DNAH7: variants seen among roughly 807,000 people sequenced by gnomAD.
DNAH7 encodes the protein dynein axonemal heavy chain 7.
In DNAH7, 397 loss-of-function variants were observed where a neutral mutation model predicts 444.6. The ratio of observed to expected loss-of-function variants is 0.89; its 90% confidence interval spans 0.82 to 0.97. The LOEUF (loss-of-function observed/expected upper bound fraction) is 0.97. DNAH7 is among the 50% of genes least tolerant of loss of function. The pLI is 0.00. For missense variants in DNAH7, 4,902 were observed against 4,800.8 expected (o/e 1.02, Z -0.62); for synonymous variants, 1,636 against 1,624.4 (o/e 1.01, Z -0.17).
At chr2:195,981,515 G>A (rs1692572321) in intron 15 of DNAH7, among the ~76,000 whole-genome samples, 2 of 151,822 alleles carry the variant, frequency 1.3e-5, no homozygotes, top group South Asian at 4.2e-4. Context: ...AAGCTATCCG[G>A]AGCAAAAAGA....
chr2:196,000,565 G>GT (rs1437078060), intron 12 of DNAH7, 139 bp downstream of exon 12: 3 of 743,762 alleles, frequency 4.0e-6, no homozygotes, highest in Non-Finnish European at 6.0e-6. Flanking sequence ...GAAAATGGTA[G>GT]TTTTTTAGGA....
rs1692601053 is a variant in DNAH7 at position 195,981,915 on chromosome 2, TTGAG to T, written c.1833+2713_1833+2716del. Among the ~76,000 whole-genome samples the T allele has an allele frequency of 2.6e-5, 4 of 152,310 alleles. No individual in the cohort carries two copies. The South Asian group carries it at 8.3e-4, about 32-fold the overall frequency. The stretch of plus-strand genomic sequence containing the variant: ...GGAACTTGGACTGGTCAAATATTTC[TTGAG>T]TAACACACCACGAGTACAGGCAAAC... On this transcript the variant is annotated intron_variant, in intron 15 of 64. Transcript: ENST00000312428.
intron 24 of DNAH7, among the ~76,000 whole-genome samples, chr2:195,911,871 T>TA (rs1687379084): frequency 6.6e-6 from 1 of 152,106 alleles, no homozygotes; most frequent in African/African-American, 2.4e-5. Context: ...GGAAGAAAAT[T>TA]AAACCAAAAG....
chr2:195,892,819 A>G (rs146072244), intron 30 of DNAH7: 164 of 150,232 alleles, frequency 1.1e-3, no homozygotes, highest in African/African-American at 4.0e-3. Context: ...GCAATCATTT[A>G]TTTTTTATAT....
Position 195,799,326 on chromosome 2 carries a change from C to CATGG in DNAH7, c.10319_10322dup (p.Met3441IlefsTer10). 6.3e-7 allele frequency: 1 copy of CATGG among 1,594,990 alleles called. No homozygotes were observed. Among genetic ancestry groups the CATGG allele is most frequent in the Non-Finnish European group, 8.5e-7 (1 of 1,170,740 alleles). On this transcript the variant is annotated frameshift_variant, in exon 55 of 65. Coordinates refer to ENST00000312428, the MANE Select transcript of DNAH7 (RefSeq NM_018897.3). LOFTEE classifies it high-confidence loss of function. ...CATCAGCAAATTTTAGAAGGGCAGC[C>CATGG]ATGGGATCTGCTCCAGGAGAGAGCA...
At chr2:195,755,090 C>A (rs139863552) in intron 62 of DNAH7, among the ~76,000 whole-genome samples, 269 of 152,288 alleles carry the variant, frequency 1.8e-3, no homozygotes, top group African/African-American at 6.3e-3. Flanking sequence ...ATATCTAATA[C>A]GCATTGCTAC....
At chr2:195,957,524 C>G (rs1037716343) in intron 18 of DNAH7, 77 bp from the exon 19 acceptor site, 1 of 1,214,186 alleles carries the variant, frequency 8.2e-7, no homozygotes, top group Admixed American at 2.9e-5. Context: ...CAAACCACAA[C>G]TAGGTTGTCA....
chr2:195,904,015 A>C (rs1686864536), intron 27 of DNAH7: 1 of 152,196 alleles, frequency 6.6e-6, no homozygotes, highest in Non-Finnish European at 1.5e-5. Flanking sequence ...GGCCACACTG[A>C]AGCTCTATAA....
intron 24 of DNAH7, among the ~76,000 whole-genome samples, chr2:195,920,798 G>A (rs1396285781): frequency 6.6e-6 from 1 of 152,176 alleles, no homozygotes; most frequent in Non-Finnish European, 1.5e-5. Context: ...CAGAGTGGGA[G>A]AAAATATTTG....
At chr2:196,047,202 A>G (rs1330672117) in intron 5 of DNAH7, 150 bp downstream of exon 5, 10 of 538,434 alleles carry the variant, frequency 1.9e-5, no homozygotes, top group Non-Finnish European at 2.9e-5. Context: ...GTTAAACTCA[A>G]TCTCTTTCAT....
intron 15 of DNAH7, among the ~76,000 whole-genome samples, chr2:195,979,176 TTC>T (rs1692397279): frequency 1.3e-5 from 2 of 152,314 alleles, no homozygotes; most frequent in South Asian, 4.1e-4. Context: ...ATACACATCC[TTC>T]TCTGCAGCAC....
chr2:195,773,360 A>G (rs1398264764), intron 60 of DNAH7, among the ~76,000 whole-genome samples: 1 of 152,076 alleles, frequency 6.6e-6, no homozygotes, highest in Non-Finnish European at 1.5e-5. Context: ...TTTGGTGTGC[A>G]TAAAAGGCAG....
At chr2:195,812,237 G>A (rs558183841) in intron 51 of DNAH7, among the ~76,000 whole-genome samples, 2 of 152,038 alleles carry the variant, frequency 1.3e-5, no homozygotes, top group South Asian at 4.2e-4. Flanking sequence ...CCTAGCCTCC[G>A]AATTTTCAGG....
intron 48 of DNAH7, among the ~76,000 whole-genome samples, chr2:195,832,756 A>C (rs1698136095): frequency 6.6e-6 from 1 of 152,124 alleles, no homozygotes; most frequent in South Asian, 2.1e-4. Context: ...TAAAGTATTT[A>C]AGGTGCCAGT....
intron 20 of DNAH7, 91 bp from the exon 21 acceptor site, chr2:195,934,880 G>A: frequency 1.5e-6 from 2 of 1,369,126 alleles, no homozygotes; most frequent in Non-Finnish European, 1.0e-6. Context: ...TAAATGCTAG[G>A]TGCTGCTGGG....
At chr2:195,849,379 T>C (rs1249507356) in intron 46 of DNAH7, among the ~76,000 whole-genome samples, 1 of 152,228 alleles carries the variant, frequency 6.6e-6, no homozygotes, top group African/African-American at 2.4e-5. Context: ...CCCTTTGCCA[T>C]GTAACGTGGC....
chr2:195,852,237 G>A (rs927022914), intron 46 of DNAH7, among the ~76,000 whole-genome samples: 2 of 151,976 alleles, frequency 1.3e-5, no homozygotes, highest in East Asian at 1.9e-4. Context: ...CAGTCTGGGC[G>A]ACAGAGGGAG....
chr2:195,784,618 G>T (rs1284641408), intron 58 of DNAH7, among the ~76,000 whole-genome samples: 2 of 152,154 alleles, frequency 1.3e-5, no homozygotes, highest in East Asian at 3.8e-4. Flanking sequence ...ATACAAAGGA[G>T]CATGATTGCT....
chr2:195,944,251 G>A (rs1689653888), intron 19 of DNAH7, among the ~76,000 whole-genome samples: 1 of 152,130 alleles, frequency 6.6e-6, no homozygotes, highest in Non-Finnish European at 1.5e-5. Context: ...ACAAACATCT[G>A]CAAGCAACTC....
Sources: allele counts gnomAD v4.1 joint callset (sites outside exome capture counted in the v4.1 genomes callset), GRCh38; gene constraint gnomAD v4.1.1; transcripts MANE v1.5; gene names NCBI Gene and HGNC (gene_info 2026-07-23, HGNC 2026-07-21).